The following CMIP variants were observed in gnomAD, a reference collection of about 807,000 sequenced individuals.
The protein encoded by CMIP is C-Maf-inducing protein.
A neutral mutation model predicts 97.3 loss-of-function variants in CMIP; 13 were observed. The ratio of observed to expected loss-of-function variants is 0.13; its 90% CI spans 0.09 to 0.21. The LOEUF (loss-of-function observed/expected upper bound fraction) is 0.21. CMIP is among the 10% of genes least tolerant of loss of function. The pLI is 1.00. For missense variants in CMIP, 847 were observed against 1,024.9 expected (o/e 0.83, Z 2.37); for synonymous variants, 538 against 436.3 (o/e 1.23, Z -2.91).
chr16:81,517,894 C>T (rs1448624287), intron 1 of CMIP: 1 of 980,176 alleles, frequency 1.0e-6, no homozygotes, highest in Non-Finnish European at 1.2e-6. Context: ...GCAGACATCT[C>T]TTTTCAATGT....
rs754047457 is a variant in CMIP, at chr16:81,693,454, G to A, written c.1497G>A (p.Val499=). Residue 499 remains valine, a synonymous_variant, in exon 13 of 21, where the codon GTG becomes GTA. Coordinates refer to ENST00000537098, the MANE Select transcript of CMIP (RefSeq NM_198390.3). ...HEKFTKELKY[V]IQRFAEDPRQ... Reference sequence around the variant, plus strand: ...TCTCTTCCAGGGAACTGAAGTACGTGATTCAGAGGTTCGCCGAAGACCCCA... The same window carrying A: ...TCTCTTCCAGGGAACTGAAGTACGTAATTCAGAGGTTCGCCGAAGACCCCA... 6.2e-6 allele frequency: 10 copies of A among 1,612,472 alleles called. No homozygotes were observed. In the Middle Eastern group the frequency reaches 6.6e-4, roughly 106 times the overall value.
intron 1 of CMIP, among the ~76,000 whole-genome samples, chr16:81,489,727 G>A (rs552624014): frequency 6.6e-6 from 1 of 152,346 alleles, no homozygotes; most frequent in East Asian, 1.9e-4. Context: ...TTCAGGGAGG[G>A]GGAGAGAGCT....
At chr16:81,647,157 A>G (rs1396042820) in intron 3 of CMIP, among the ~76,000 whole-genome samples, 1 of 152,186 alleles carries the variant, frequency 6.6e-6, no homozygotes, top group Non-Finnish European at 1.5e-5. Context: ...TCCTCGTAGG[A>G]CGAAGTCGTA....
At chr16:81,603,546 A>C (rs2091692884) in intron 1 of CMIP, 2 of 429,572 alleles carry the variant, frequency 4.7e-6, no homozygotes, top group Admixed American at 5.4e-5. Flanking sequence ...CAATATTGAT[A>C]CATGATTGCC....
At position 81,710,140 on chromosome 16, in the gene CMIP, G is replaced by C; in HGVS notation, c.*341G>C. On this transcript the variant is annotated 3_prime_UTR_variant, in exon 21 of 21. Transcript: ENST00000537098. Reference sequence around the variant, plus strand: ...TTTCTTTGCCTTTGTGTTTGATGCCGTCGTGTGGGAAAAGTCAACTCCGAT... The same window carrying C: ...TTTCTTTGCCTTTGTGTTTGATGCCCTCGTGTGGGAAAAGTCAACTCCGAT... The C allele has an allele frequency of 3.1e-6, 1 of 321,144 alleles. No homozygotes were observed. The highest frequency in any genetic ancestry group is 3.9e-5 in the South Asian group (1 of 25,388). 19.9% of individuals were successfully genotyped at this position (321,144 alleles called of 1,614,324 possible).
At chr16:81,702,210 C>T (rs1235226147) in intron 16 of CMIP, among the ~76,000 whole-genome samples, 1 of 152,218 alleles carries the variant, frequency 6.6e-6, no homozygotes, top group Non-Finnish European at 1.5e-5. Flanking sequence ...TCTCCTGGAG[C>T]AGCCCTCAAC....
intron 3 of CMIP, among the ~76,000 whole-genome samples, chr16:81,637,475 C>T (rs1013957728): frequency 1.3e-5 from 2 of 152,186 alleles, no homozygotes; most frequent in Non-Finnish European, 2.9e-5. Flanking sequence ...TTTAATTCTC[C>T]CAATAGCTCC....
At chr16:81,578,797 A>G (rs1016449241) in intron 1 of CMIP, among the ~76,000 whole-genome samples, 5 of 152,342 alleles carry the variant, frequency 3.3e-5, no homozygotes, top group Middle Eastern at 3.4e-3. Flanking sequence ...CTGGCGTCGG[A>G]AAAGTTCCAT....
At chr16:81,576,477 A>G (rs751271640) in intron 1 of CMIP, among the ~76,000 whole-genome samples, 23 of 152,140 alleles carry the variant, frequency 1.5e-4, no homozygotes, top group Admixed American at 4.6e-4. Context: ...TTATTATCAC[A>G]TCAGTTTTAA....
intron 4 of CMIP, among the ~76,000 whole-genome samples, chr16:81,656,036 A>G (rs1453469545): frequency 6.6e-6 from 1 of 152,170 alleles, no homozygotes; most frequent in Non-Finnish European, 1.5e-5. Flanking sequence ...AGGCTGCTCA[A>G]ACTCCACTCA....
intron 1 of CMIP, among the ~76,000 whole-genome samples, chr16:81,568,388 C>A (rs1252997012): frequency 1.3e-5 from 2 of 152,186 alleles, no homozygotes; most frequent in Non-Finnish European, 2.9e-5. Context: ...CCCCCAACCC[C>A]CATGTGAGGG....
chr16:81,503,863 C>G (rs1196394363), intron 1 of CMIP, among the ~76,000 whole-genome samples: 1 of 152,266 alleles, frequency 6.6e-6, no homozygotes, highest in Non-Finnish European at 1.5e-5. Context: ...GACGTCATCA[C>G]CTGGGAACAG....
In CMIP at chr16:81,709,837, G is replaced by A. The variant is rs375377044; in HGVS notation, c.*38G>A. 7.2e-5 allele frequency: 112 copies of A among 1,556,330 alleles called. No individual in the cohort carries two copies. In the East Asian group the frequency reaches 8.9e-4, roughly 12 times the overall value. On this transcript the variant is annotated 3_prime_UTR_variant, in exon 21 of 21. Coordinates refer to ENST00000537098, the MANE Select transcript of CMIP (RefSeq NM_198390.3). Reference sequence around the variant, plus strand: ...AAGGCAGGAAGACGTTTGCAACCGCGACAAAATAACTCTTGACTAACAGCC... The same window carrying A: ...AAGGCAGGAAGACGTTTGCAACCGCAACAAAATAACTCTTGACTAACAGCC...
chr16:81,577,940 TCAC>T (rs1351668694), intron 1 of CMIP, among the ~76,000 whole-genome samples: 1 of 150,168 alleles, frequency 6.7e-6, no homozygotes, highest in African/African-American at 2.5e-5. Flanking sequence ...ATCACCTTCA[TCAC>T]CACCATCATC....
Position 81,445,328 on chromosome 16 carries a change from C to T in CMIP, c.87C>T (p.Ala29=), listed in dbSNP as rs764278102. 1.3e-4 allele frequency: 206 copies of T among 1,589,476 alleles called. 1 individual carries two copies. Among genetic ancestry groups the T allele is most frequent in the Non-Finnish European group, 3.6e-5 (42 of 1,169,156 alleles). ...CGCTGCTGGGGGGCGACGTGTCGGC[C>T]CCCGAAGGCACGAAGATGGGCGCCG... The part of the protein sequence containing the change: ...TKPLLGGDVS[A]PEGTKMGAVP... The change falls in exon 1 of 21, where the codon GCC becomes GCT. Residue 29 remains alanine, a synonymous_variant. Transcript: ENST00000537098.
At chr16:81,518,096 C>T (rs1443692880) in intron 1 of CMIP, 2 of 163,934 alleles carry the variant, frequency 1.2e-5, no homozygotes, top group Non-Finnish European at 2.5e-5. Context: ...ACTCACCCTT[C>T]TTCGGAAGGC....
chr16:81,575,091 G>A (rs2091165922), intron 1 of CMIP, among the ~76,000 whole-genome samples: 1 of 152,150 alleles, frequency 6.6e-6, no homozygotes, highest in African/African-American at 2.4e-5. Flanking sequence ...TATAATAACT[G>A]AGTAACTGAG....
intron 1 of CMIP, among the ~76,000 whole-genome samples, chr16:81,455,559 G>A (rs149999972): frequency 9.5e-4 from 144 of 152,304 alleles, no homozygotes; most frequent in African/African-American, 3.3e-3. Flanking sequence ...CCACTCCCCT[G>A]CTGCAGGGCT....
chr16:81,471,496 A>G (rs755075413), intron 1 of CMIP, among the ~76,000 whole-genome samples: 1 of 152,208 alleles, frequency 6.6e-6, no homozygotes, highest in Non-Finnish European at 1.5e-5. Context: ...ATACATAGGC[A>G]TACATATACA....
Sources: gnomAD v4.1 joint callset for allele counts (sites outside exome capture counted in the v4.1 genomes callset) on GRCh38, gnomAD v4.1.1 for gene constraint, MANE v1.5 for transcripts, NCBI Gene and HGNC (gene_info 2026-07-23, HGNC 2026-07-21) for gene names.